Variants in RING1 observed in about 807,000 individuals in gnomAD.
The protein encoded by RING1 is E3 ubiquitin-protein ligase RING1.
A neutral mutation model predicts 35.0 loss-of-function variants in RING1; 8 were observed. The observed-to-expected ratio is 0.23, with a 90% CI of 0.13 to 0.41. The LOEUF is 0.41. RING1 is among the 10% of genes least tolerant of loss of function. The pLI is 1.00. For synonymous variants in RING1, 214 were observed against 224.3 expected, an observed-to-expected ratio of 0.95 and a Z score of 0.41; for missense variants, 343 against 546.8, an observed-to-expected ratio of 0.63 and a Z score of 3.72.
rs1289294675 is a variant in RING1, at chr6:33,209,839, C to G, written c.239+53C>G. 6.8e-6 allele frequency: 11 copies of G among 1,611,562 alleles called. No homozygotes were observed. The highest frequency in any genetic ancestry group is 8.5e-6 in the Non-Finnish European group (10 of 1,177,944). ...GATGAAGGGGTACAAAGTTAGGGCC[C>G]TCTCACTGGTCTTGGTTCAGCCTAG... On this transcript the variant is annotated intron_variant, in intron 3 of 6. Coordinates refer to ENST00000374656, the MANE Select transcript of RING1 (RefSeq NM_002931.4). The surrounding 1 kb of genome is among the most constrained non-coding windows in gnomAD (Gnocchi z 5.1).
chr6:33,211,589 A>G lies in RING1; in HGVS notation c.845+42A>G. ...TTCCCCAGCCACTGAGAAACCAAAG[A>G]TCACCTAGATTTCCATCAGAAGTGG... is the stretch of plus-strand genomic sequence containing the variant. On this transcript the variant is annotated intron_variant, in intron 5 of 6. Transcript: ENST00000374656. The surrounding 1 kb of genome is among the most constrained non-coding windows in gnomAD (Gnocchi z 6.3). 1.9e-6 allele frequency: 3 copies of G among 1,594,320 alleles called. No individual in the cohort carries two copies. The highest frequency in any genetic ancestry group is 2.2e-5 in the East Asian group (1 of 44,816).
Position 33,209,266 on chromosome 6 carries a change from T to C in RING1, c.79-360T>C. 1.8e-6 allele frequency: 1 copy of C among 561,762 alleles called. No homozygotes were observed. Among genetic ancestry groups the C allele is most frequent in the African/African-American group, 1.9e-5 (1 of 53,368 alleles). The allele number at this position is 561,762 out of a possible 1,614,324, so 34.8% of individuals were successfully genotyped here. A position where few individuals can be genotyped will look rare whatever the true frequency, so the allele number is the denominator to read the frequency against. On this transcript the variant is annotated intron_variant, in intron 2 of 6. Transcript: ENST00000374656. The surrounding 1 kb of genome is among the most constrained non-coding windows in gnomAD (Gnocchi z 5.1). ...TCAGTAGTGAATTGGGTTCTCAGAA[T>C]CTGAATTTTTAACAGGCACCCTATG... is the stretch of plus-strand genomic sequence containing the variant.
chr6:33,209,936 C>T lies in RING1; in HGVS notation c.261C>T (p.Cys87=). Residue 87 remains cysteine, a synonymous_variant, in exon 4 of 7, where the codon TGC becomes TGT. Transcript: ENST00000374656. This position sits in a 1 kb window ranked among gnomAD's most constrained non-coding sequence, Gnocchi z 5.1. The stretch of plus-strand genomic sequence containing the variant: ...CCAGGAACAAGGAGTGTCCTACCTG[C>T]CGAAAGAAGCTGGTGTCCAAGCGAT... The part of the protein sequence containing the change: ...LRSGNKECPT[C]RKKLVSKRSL... 1 of 1,614,136 alleles carries T rather than the reference C, an allele frequency of 6.2e-7. No individual in the cohort carries two copies. Among genetic ancestry groups the T allele is most frequent in the Non-Finnish European group, 8.5e-7 (1 of 1,180,022 alleles).
In RING1 at chr6:33,211,357, G is replaced by A. The variant is rs1775518778; in HGVS notation, c.655G>A (p.Gly219Ser). The change falls in exon 5 of 7, where the codon GGC becomes AGC. Residue 219 changes from glycine to serine, a missense_variant. By Grantham distance (56) the Gly-to-Ser change is moderately conservative (BLOSUM62 0). Transcript: ENST00000374656. This position sits in a 1 kb window ranked among gnomAD's most constrained non-coding sequence, Gnocchi z 6.3. ...GAGCAGTGTAGGGACAGGGGGAGGC[G>A]GCACTGGTGGGGTGGGTGGGGGTGC... Reference protein sequence around the residue: ...GGSSVGTGGGGTGGVGGGAGS... With the variant: ...GGSSVGTGGGSTGGVGGGAGS... The A allele has an allele frequency of 8.9e-6, 14 of 1,574,438 alleles. No individual in the cohort carries two copies. The highest frequency in any genetic ancestry group is 1.2e-5 in the Non-Finnish European group (14 of 1,160,016).
At position 33,211,316 on chromosome 6, in the gene RING1, GAGGGGGCGCAGGGGGGAGCAGTGT is replaced by G. The variant is rs766682335; in HGVS notation, c.619_642del (p.Gly207_Gly214del). 2 of 1,611,436 alleles carry G rather than the reference GAGGGGGCGCAGGGGGGAGCAGTGT, an allele frequency of 1.2e-6. 1 individual carries two copies. The highest frequency in any genetic ancestry group is 2.2e-5 in the South Asian group (2 of 91,018). ...GGCCCTGCTCCCAAGCGACCCCGTG[GAGGGGGCGCAGGGGGGAGCAGTGT>G]AGGGACAGGGGGAGGCGGCACTGGT... On this transcript the variant is annotated inframe_deletion, in exon 5 of 7. Coordinates refer to ENST00000374656, the MANE Select transcript of RING1 (RefSeq NM_002931.4). The surrounding 1 kb of genome is among the most constrained non-coding windows in gnomAD (Gnocchi z 6.3).
chr6:33,210,472 A>G (rs1351358373), intron 4 of RING1, among the ~76,000 whole-genome samples: 1 of 152,114 alleles, frequency 6.6e-6, no homozygotes, highest in South Asian at 2.1e-4. Flanking sequence ...ATGGTGGCAC[A>G]TGCCTGTAGT....
chr6:33,209,247 G>T lies in RING1; in HGVS notation c.78+347G>T, dbSNP rs1009493448. ...TGCCCCCCAACATTCTGATTCAGTA[G>T]TGAATTGGGTTCTCAGAATCTGAAT... On this transcript the variant is annotated intron_variant, in intron 2 of 6. Coordinates refer to ENST00000374656, the MANE Select transcript of RING1 (RefSeq NM_002931.4). This position sits in a 1 kb window ranked among gnomAD's most constrained non-coding sequence, Gnocchi z 5.1. The T allele has an allele frequency of 4.0e-4, 231 of 570,772 alleles. No individual in the cohort carries two copies. Among genetic ancestry groups the T allele is most frequent in the Non-Finnish European group, 6.1e-4 (194 of 316,534 alleles). 35.4% of individuals were successfully genotyped at this position (570,772 alleles called of 1,614,324 possible).
In RING1 at chr6:33,210,563, C is replaced by CCACT. The variant is rs1447382562; in HGVS notation, c.455+434_455+437dup. On this transcript the variant is annotated intron_variant, in intron 4 of 6. Coordinates refer to ENST00000374656, the MANE Select transcript of RING1 (RefSeq NM_002931.4). ...GATGTTGCAGTGAACCATGATCACA[C>CCACT]CACTGCACACTGCACTCCAGCCTGC... 2.0e-5 allele frequency among the ~76,000 whole-genome samples: 3 copies of CCACT among 151,886 alleles called. No individual in the cohort carries two copies. The East Asian group carries it at 5.8e-4, about 29-fold the overall frequency.
In RING1 at chr6:33,208,975, C is replaced by G. The variant is rs1358907481; in HGVS notation, c.78+75C>G. The G allele has an allele frequency of 8.0e-7, 1 of 1,242,806 alleles. No individual in the cohort carries two copies. Among genetic ancestry groups the G allele is most frequent in the Non-Finnish European group, 1.2e-6 (1 of 862,334 alleles). 77.0% of individuals were successfully genotyped at this position (1,242,806 alleles called of 1,614,324 possible). ...ATCCACAGACCGCATCACACAGCTT[C>G]TTTTCCGTAATTTGCTCTATTCTGC... On this transcript the variant is annotated intron_variant, in intron 2 of 6. Coordinates refer to ENST00000374656, the MANE Select transcript of RING1 (RefSeq NM_002931.4). The surrounding 1 kb of genome is among the most constrained non-coding windows in gnomAD (Gnocchi z 6.2).
Position 33,208,836 on chromosome 6 carries a change from C to T in RING1, c.14C>T (p.Ala5Val), listed in dbSNP as rs1045315780. Reference protein sequence around the residue: MTTPANAQNASKTWE... With the variant: MTTPVNAQNASKTWE... ...CGCCCGGTCACCATGACGACGCCGG[C>T]GAATGCCCAGAATGCCAGCAAAACG... Residue 5 changes from alanine (A) to valine (V), a missense_variant, in exon 2 of 7, where the codon GCG (alanine) becomes GTG (valine). Ala to Val is a moderately conservative substitution (Grantham distance 64). Transcript: ENST00000374656. The surrounding 1 kb of genome is among the most constrained non-coding windows in gnomAD (Gnocchi z 6.2). 6.2e-7 allele frequency: 1 copy of T among 1,605,978 alleles called. No individual in the cohort carries two copies. The highest frequency in any genetic ancestry group is 2.2e-5 in the East Asian group (1 of 44,656).
chr6:33,209,465 C>G lies in RING1; in HGVS notation c.79-161C>G, dbSNP rs1775382819. The G allele has an allele frequency of 1.5e-6, 1 of 670,790 alleles. No homozygotes were observed. The highest frequency in any genetic ancestry group is 2.7e-5 in the East Asian group (1 of 37,666). 41.6% of individuals were successfully genotyped at this position (670,790 alleles called of 1,614,324 possible). A position where few individuals can be genotyped will look rare whatever the true frequency, so the allele number is the denominator to read the frequency against. Reference sequence around the variant, plus strand: ...AAAGTCTGTCTTTTCTCCATTTGCTCCAAGTCATCAGTCCTTCTCTTTCTC... The same window carrying G: ...AAAGTCTGTCTTTTCTCCATTTGCTGCAAGTCATCAGTCCTTCTCTTTCTC... On this transcript the variant is annotated intron_variant, in intron 2 of 6. Coordinates refer to ENST00000374656, the MANE Select transcript of RING1 (RefSeq NM_002931.4). The surrounding 1 kb of genome is among the most constrained non-coding windows in gnomAD (Gnocchi z 5.1).
chr6:33,211,034 A>C lies in RING1; in HGVS notation c.456-124A>C. 9.0e-7 allele frequency: 1 copy of C among 1,116,400 alleles called. No individual in the cohort carries two copies. Among genetic ancestry groups the C allele is most frequent in the Non-Finnish European group, 1.3e-6 (1 of 788,804 alleles). The allele number at this position is 1,116,400 out of a possible 1,614,324, so 69.2% of individuals were successfully genotyped here. A position where few individuals can be genotyped will look rare whatever the true frequency, so the allele number is the denominator to read the frequency against. On this transcript the variant is annotated intron_variant, in intron 4 of 6. Transcript: ENST00000374656. The surrounding 1 kb of genome is among the most constrained non-coding windows in gnomAD (Gnocchi z 6.3). ...ACACTTAGTATACTGAGTGCTTAGC[A>C]CATTGTGTTTAATAAATATTAGGTA...
intron 6 of RING1, 30 bp from the exon 7 acceptor site, chr6:33,212,268 T>TCCCCCTCTCTCCCTTTTA (rs140858962): frequency 1.4e-6 from 2 of 1,428,794 alleles, no homozygotes; most frequent in African/African-American, 2.8e-5. Context: ...CTCTCTCTTT[T>TCCCCCTCTCTCCCTTTTA]CCCCTCTCTC....
rs946224820 is a variant in RING1 at position 33,211,743 on chromosome 6, C to G, written c.860C>G (p.Thr287Ser). The G allele has an allele frequency of 6.5e-7, 1 of 1,547,912 alleles. No homozygotes were observed. Among genetic ancestry groups the G allele is most frequent in the South Asian group, 1.2e-5 (1 of 80,412 alleles). ...TCCCATTCCAGGTATGTGAAGACAA[C>G]TGGGAATGCCACAGTGGACCACCTC... ...EYCQTRYVKT[T>S]GNATVDHLSK... is the part of the protein sequence containing the mutation. The change falls in exon 6 of 7, where the codon ACT (threonine) becomes AGT (serine). Residue 287 changes from threonine to serine, a missense_variant. Thr to Ser is a moderately conservative substitution (Grantham distance 58). Coordinates refer to ENST00000374656, the MANE Select transcript of RING1 (RefSeq NM_002931.4). This position sits in a 1 kb window ranked among gnomAD's most constrained non-coding sequence, Gnocchi z 6.3.
chr6:33,212,387 G>A lies in RING1; in HGVS notation c.1209G>A (p.Lys403=). 6.3e-7 allele frequency: 1 copy of A among 1,587,778 alleles called. No homozygotes were observed. The highest frequency in any genetic ancestry group is 8.6e-7 in the Non-Finnish European group (1 of 1,166,714). ...TGGAGCTGTGCTATGCTCCCACCAA[G>A]GATCCAAAGTGACCCCACCAGGGGA... is the stretch of plus-strand genomic sequence containing the variant. ...RPLELCYAPT[K]DPK is the part of the protein sequence containing the mutation. The change falls in exon 7 of 7, where the codon AAG becomes AAA. Residue 403 remains lysine, a synonymous_variant. Transcript: ENST00000374656.
chr6:33,208,765 C>T lies in RING1; in HGVS notation c.-58C>T. On this transcript the variant is annotated splice_region_variant and 5_prime_UTR_variant, in exon 2 of 7. Transcript: ENST00000374656. The surrounding 1 kb of genome is among the most constrained non-coding windows in gnomAD (Gnocchi z 6.2). Reference sequence around the variant, plus strand: ...CTCCTCCCCTTCCCCCCACCCCCAGCCTTCTTCGCCTTCTCCTCGGCTGTG... The same window carrying T: ...CTCCTCCCCTTCCCCCCACCCCCAGTCTTCTTCGCCTTCTCCTCGGCTGTG... 1.4e-6 allele frequency: 2 copies of T among 1,411,392 alleles called. No homozygotes were observed. Among genetic ancestry groups the T allele is most frequent in the Non-Finnish European group, 1.9e-6 (2 of 1,048,076 alleles). The allele number at this position is 1,411,392 out of a possible 1,614,324, so 87.4% of individuals were successfully genotyped here. A position where few individuals can be genotyped will look rare whatever the true frequency, so the allele number is the denominator to read the frequency against.
In RING1 at chr6:33,211,625, A is replaced by G; in HGVS notation, c.845+78A>G. 6.4e-7 allele frequency: 1 copy of G among 1,563,676 alleles called. No homozygotes were observed. The highest frequency in any genetic ancestry group is 8.6e-7 in the Non-Finnish European group (1 of 1,159,408). ...TTCCATCAGAAGTGGGCTTTGCCCA[A>G]ACCCAAAATACCACCCCAACCCAGA... On this transcript the variant is annotated intron_variant, in intron 5 of 6. Coordinates refer to ENST00000374656, the MANE Select transcript of RING1 (RefSeq NM_002931.4). The surrounding 1 kb of genome is among the most constrained non-coding windows in gnomAD (Gnocchi z 6.3).
intron 6 of RING1, 82 bp from the exon 7 acceptor site, chr6:33,212,216 T>G: frequency 9.2e-7 from 1 of 1,082,480 alleles, no homozygotes; most frequent in Non-Finnish European, 1.4e-6. Flanking sequence ...TTGGTCACCT[T>G]TTGCCTCTCA....
Position 33,208,731 on chromosome 6 carries a change from C to G in RING1, c.-58-34C>G, listed in dbSNP as rs531231030. The G allele has an allele frequency of 9.4e-7, 1 of 1,059,892 alleles. No homozygotes were observed. The highest frequency in any genetic ancestry group is 3.0e-5 in the Admixed American group (1 of 33,350). The allele number at this position is 1,059,892 out of a possible 1,614,324, so 65.7% of individuals were successfully genotyped here. On this transcript the variant is annotated intron_variant, in intron 1 of 6. Coordinates refer to ENST00000374656, the MANE Select transcript of RING1 (RefSeq NM_002931.4). The surrounding 1 kb of genome is among the most constrained non-coding windows in gnomAD (Gnocchi z 6.2). ...CGGGGTCTACGCGAGGGGCGGCCCC[C>G]CTGACGCCCTCCTCCCCTTCCCCCC...
Sources: gnomAD v4.1 joint callset for allele counts (sites outside exome capture counted in the v4.1 genomes callset) on GRCh38, gnomAD v4.1.1 for gene constraint, Gnocchi (gnomAD v3.1) non-coding constraint, MANE v1.5 for transcripts, NCBI Gene and HGNC (gene_info 2026-07-23, HGNC 2026-07-21) for gene names.